Variants in ZFP64 observed in about 807,000 individuals in gnomAD.
ZFP64 encodes ZFP64 zinc finger protein, also known as zinc finger protein 64.
ZFP64 carries 14 observed loss-of-function variants against 51.6 expected under a neutral mutation model. That is an observed-to-expected ratio of 0.27 (90% CI 0.18 to 0.42). ZFP64 has a LOEUF of 0.42. Among genes scored for constraint, ZFP64 ranks in the 10% least tolerant of loss-of-function variants. The probability of loss-of-function intolerance (pLI) is 1.00; values close to 1 mark genes in which losing one functional copy is unlikely to be tolerated. For synonymous variants in ZFP64, 375 were observed against 361.4 expected, an observed-to-expected ratio of 1.04 and a Z score of -0.43; for missense variants, 754 against 906.8, an observed-to-expected ratio of 0.83 and a Z score of 2.16.
At chr20:52,112,911 C>T (rs1166061266) in intron 5 of ZFP64, among the ~76,000 whole-genome samples, 2 of 152,156 alleles carry the variant, frequency 1.3e-5, no homozygotes, top group African/African-American at 4.8e-5. Flanking sequence ...GCCACCGTGC[C>T]TGGCTGGGTT....
intron 7 of ZFP64, chr20:52,097,151 C>G (rs765600471): frequency 5.1e-6 from 4 of 782,110 alleles, no homozygotes; most frequent in South Asian, 4.1e-5. Context: ...CCTTATTGCT[C>G]TAAGATGACT....
chr20:52,171,017 G>C (rs1330339998), intron 2 of ZFP64, among the ~76,000 whole-genome samples: 2 of 152,214 alleles, frequency 1.3e-5, no homozygotes, highest in Admixed American at 6.5e-5. Flanking sequence ...GGTAACATTT[G>C]AATATAAAAC....
Position 52,156,970 on chromosome 20 carries a change from G to A in ZFP64, c.763+3153C>T, listed in dbSNP as rs78724523. 4.8e-3 allele frequency among the ~76,000 whole-genome samples: 737 copies of A among 152,288 alleles called. 9 individuals are homozygous for A. Among genetic ancestry groups the A allele is most frequent in the African/African-American group, 0.017 (699 of 41,568 alleles). On this transcript the variant is annotated intron_variant, in intron 5 of 5. Coordinates refer to ENST00000216923, the MANE Select transcript of ZFP64 (RefSeq NM_018197.3). ...AAAAGAACTGGACATTTTGTAAGCA[G>A]AATTTAGAGGGAATATAGAAAGTCA... is the stretch of plus-strand genomic sequence containing the variant.
intron 7 of ZFP64, chr20:52,089,091 G>A (rs1376426442): frequency 1.9e-6 from 1 of 513,762 alleles, no homozygotes; most frequent in Admixed American, 2.0e-5. Flanking sequence ...AAGAATACAA[G>A]GGCCTGGTAA....
In ZFP64 at chr20:52,186,894, A is replaced by C. The variant is rs1444405445; in HGVS notation, c.224T>G (p.Val75Gly). 6.2e-7 allele frequency: 1 copy of C among 1,613,900 alleles called. No individual in the cohort carries two copies. Among genetic ancestry groups the C allele is most frequent in the Admixed American group, 1.7e-5 (1 of 60,008 alleles). ...STVQFVSEET[V>G]PATQTQTTTR... ...GGTGGTCTGAGTCTGGGTGGCAGGC[A>C]CTGTTTCCTCCGATACAAACTGGAC... is the stretch of plus-strand genomic sequence containing the variant. The change falls in exon 2 of 6, where the codon GTG becomes GGG. Residue 75 changes from valine to glycine, a missense_variant. Coordinates refer to ENST00000216923, the MANE Select transcript of ZFP64 (RefSeq NM_018197.3).
intron 5 of ZFP64, among the ~76,000 whole-genome samples, chr20:52,117,240 G>C (rs1978922729): frequency 6.6e-6 from 1 of 152,148 alleles, no homozygotes; most frequent in Non-Finnish European, 1.5e-5. Flanking sequence ...GCTGAAATCA[G>C]AATGGGCTTT....
rs1981062425 is a variant in ZFP64 at position 52,153,566 on chromosome 20, G to A, written c.764-138C>T. 7.6e-7 allele frequency: 1 copy of A among 1,321,946 alleles called. No homozygotes were observed. The highest frequency in any genetic ancestry group is 2.5e-5 in the East Asian group (1 of 39,226). 81.9% of individuals were successfully genotyped at this position (1,321,946 alleles called of 1,614,324 possible). A position where few individuals can be genotyped will look rare whatever the true frequency, so the allele number is the denominator to read the frequency against. On this transcript the variant is annotated intron_variant, in intron 5 of 5. Coordinates refer to ENST00000216923, the MANE Select transcript of ZFP64 (RefSeq NM_018197.3). The surrounding 1 kb of genome is among the most constrained non-coding windows in gnomAD (Gnocchi z 5.1). ...TAACTGCAGCTTCTAGCAGCCCCTG[G>A]CAGTGGGGGAAGAGGGGCAGGGCGT...
At chr20:52,173,859 A>AG (rs765093861) in intron 2 of ZFP64, among the ~76,000 whole-genome samples, 2 of 152,036 alleles carry the variant, frequency 1.3e-5, no homozygotes, top group Non-Finnish European at 2.9e-5. Context: ...CATGTTGGTC[A>AG]GGCTCATCTT....
At chr20:52,119,551 T>TAC (rs1254279212) in intron 5 of ZFP64, among the ~76,000 whole-genome samples, 1 of 94,054 alleles carries the variant, frequency 1.1e-5, no homozygotes, top group Non-Finnish European at 2.3e-5. Context: ...TATATATATA[T>TAC]ATACATATAT....
chr20:52,180,287 C>G lies in ZFP64; in HGVS notation c.286+6545G>C, dbSNP rs564317508. On this transcript the variant is annotated intron_variant, in intron 2 of 5. Transcript: ENST00000216923. ...CTATCGTAATATGTGCTGCTGCAAA[C>G]GCCACCCTTGGAATCGCATTGGAAT... 3.3e-5 allele frequency among the ~76,000 whole-genome samples: 5 copies of G among 152,316 alleles called. No homozygotes were observed. In the South Asian group the frequency reaches 8.3e-4, roughly 25 times the overall value.
At chr20:52,095,487 T>C (rs910946785) in intron 7 of ZFP64, among the ~76,000 whole-genome samples, 13 of 151,874 alleles carry the variant, frequency 8.6e-5, no homozygotes, top group Admixed American at 8.5e-4. Flanking sequence ...TGAGTCCCAG[T>C]AGTGACAAAG....
chr20:52,186,994 T>G lies in ZFP64; in HGVS notation c.124A>C (p.Asn42His). The G allele has an allele frequency of 1.2e-6, 2 of 1,614,060 alleles. No homozygotes were observed. Among genetic ancestry groups the G allele is most frequent in the Middle Eastern group, 1.7e-4 (1 of 6,060 alleles). The change falls in exon 2 of 6, where the codon AAC (asparagine) becomes CAC (histidine). Residue 42 changes from asparagine (N) to histidine (H), a missense_variant. Transcript: ENST00000216923. ...TTGTGAGCTACAAAGGCATCCAGGT[T>G]GTTAAACTGCTGCTTGCAGATGCCG... is the stretch of plus-strand genomic sequence containing the variant. ...ICGICKQQFN[N>H]LDAFVAHKQS...
chr20:52,106,941 A>C (rs1978323875), intron 5 of ZFP64, among the ~76,000 whole-genome samples: 1 of 152,188 alleles, frequency 6.6e-6, no homozygotes. Flanking sequence ...TACTAAAAAT[A>C]CAAAAAATTA....
chr20:52,190,540 TC>T (rs1476659169), intron 1 of ZFP64, among the ~76,000 whole-genome samples: 1 of 151,640 alleles, frequency 6.6e-6, no homozygotes, highest in African/African-American at 2.4e-5. Context: ...ACCAGCACAG[TC>T]CCCCCTCCCC....
At chr20:52,138,816 C>T (rs566484066) in intron 5 of ZFP64, among the ~76,000 whole-genome samples, 80 of 152,216 alleles carry the variant, frequency 5.3e-4, no homozygotes, top group Non-Finnish European at 1.0e-3. Context: ...TCTACAGAGA[C>T]TGTGTATTCT....
At chr20:52,098,032 A>G (rs1290524493) in intron 6 of ZFP64, among the ~76,000 whole-genome samples, 1 of 152,072 alleles carries the variant, frequency 6.6e-6, no homozygotes, top group Admixed American at 6.6e-5. Context: ...TCACACCACT[A>G]TACTCCAGCC....
intron 5 of ZFP64, among the ~76,000 whole-genome samples, chr20:52,136,583 T>C (rs1377818503): frequency 6.6e-6 from 1 of 152,128 alleles, no homozygotes; most frequent in African/African-American, 2.4e-5. Flanking sequence ...ATAAACTGTA[T>C]CTCATTCTAG....
chr20:52,104,544 C>T (rs768866194), intron 5 of ZFP64: 1 of 367,144 alleles, frequency 2.7e-6, no homozygotes, highest in South Asian at 2.0e-5. Context: ...CCACCGTCTG[C>T]CCCCATCACC....
At chr20:52,095,190 T>G (rs1239411175) in intron 7 of ZFP64, among the ~76,000 whole-genome samples, 1 of 152,250 alleles carries the variant, frequency 6.6e-6, no homozygotes, top group African/African-American at 2.4e-5. Flanking sequence ...TCTTTGCAGC[T>G]GGGCACACAA....
Sources: gnomAD v4.1 joint callset for allele counts (sites outside exome capture counted in the v4.1 genomes callset) on GRCh38, gnomAD v4.1.1 for gene constraint, Gnocchi (gnomAD v3.1) non-coding constraint, MANE v1.5 for transcripts, NCBI Gene and HGNC (gene_info 2026-07-23, HGNC 2026-07-21) for gene names.